The following CNTNAP5 variants were observed in gnomAD, a reference collection of about 807,000 sequenced individuals.
CNTNAP5 encodes the protein contactin-associated protein-like 5.
CNTNAP5 carries 72 observed loss-of-function variants against 150.2 expected under a neutral mutation model. The observed-to-expected ratio is 0.48, with a 90% CI of 0.40 to 0.58. CNTNAP5 has a LOEUF of 0.58. Ranked by LOEUF, CNTNAP5 falls within the 20% of genes least tolerant of loss-of-function variation. The pLI is 0.00. For missense variants in CNTNAP5, 1,636 were observed against 1,626.2 expected (o/e 1.01, Z -0.10); for synonymous variants, 672 against 619.8 (o/e 1.08, Z -1.25).
Position 124,534,885 on chromosome 2 carries a change from C to G in CNTNAP5, c.1649+7429C>G, listed in dbSNP as rs79680226. 4.2e-3 allele frequency among the ~76,000 whole-genome samples: 635 copies of G among 152,208 alleles called. 5 individuals are homozygous for G. Among genetic ancestry groups the G allele is most frequent in the African/African-American group, 0.015 (611 of 41,522 alleles). On this transcript the variant is annotated intron_variant, in intron 10 of 23. Transcript: ENST00000682447. Reference sequence around the variant, plus strand: ...GTTGACTTCCTATCTCATCCTGTGACTAAGAATGCCTAATCTCTTGGGAAT... The same window carrying G: ...GTTGACTTCCTATCTCATCCTGTGAGTAAGAATGCCTAATCTCTTGGGAAT...
In CNTNAP5 at chr2:124,713,213, TTC is replaced by T. The variant is rs1475150671; in HGVS notation, c.2078-34012_2078-34011del. Among the ~76,000 whole-genome samples, 11 of 121,302 alleles carry T rather than the reference TTC, an allele frequency of 9.1e-5. 1 individual carries two copies. The highest frequency in any genetic ancestry group is 1.2e-4 in the African/African-American group (4 of 32,508). The allele number at this position is 121,302 out of a possible 152,430, so 79.6% of individuals were successfully genotyped here. A position where few individuals can be genotyped will look rare whatever the true frequency, so the allele number is the denominator to read the frequency against. ...TTCCTTCCTCCCTCCCTTCCTTTCT[TTC>T]TCTGTTTCTTTCTTTCTTTCTTTCT... is the stretch of plus-strand genomic sequence containing the variant. On this transcript the variant is annotated intron_variant, in intron 13 of 23. Coordinates refer to ENST00000682447, the MANE Select transcript of CNTNAP5 (RefSeq NM_001367498.1).
At chr2:124,277,080 C>A (rs1241379057) in intron 3 of CNTNAP5, among the ~76,000 whole-genome samples, 1 of 152,102 alleles carries the variant, frequency 6.6e-6, no homozygotes, top group African/African-American at 2.4e-5. Context: ...TATTCCTTTC[C>A]CACACCACAT....
intron 11 of CNTNAP5, among the ~76,000 whole-genome samples, chr2:124,609,595 G>C (rs1019896136): frequency 6.6e-6 from 1 of 152,092 alleles, no homozygotes; most frequent in African/African-American, 2.4e-5. Flanking sequence ...AAAAGAGAGA[G>C]AGAGAGAGAT....
intron 1 of CNTNAP5, among the ~76,000 whole-genome samples, chr2:124,175,896 A>G (rs58440125): frequency 0.034 from 5,108 of 152,292 alleles, 300 homozygotes; most frequent in African/African-American, 0.12. Flanking sequence ...CAGTGCTACA[A>G]TGAATATACT....
chr2:124,528,453 T>C lies in CNTNAP5; in HGVS notation c.1649+997T>C, dbSNP rs1695026976. ...GTTGAGAGGGGAAGGGAGATTGGCA[T>C]AGAAGCAGGAGAAAGCATGGATTGC... On this transcript the variant is annotated intron_variant, in intron 10 of 23. Coordinates refer to ENST00000682447, the MANE Select transcript of CNTNAP5 (RefSeq NM_001367498.1). Among the ~76,000 whole-genome samples the C allele has an allele frequency of 3.3e-5, 5 of 152,182 alleles. No individual in the cohort carries two copies. The South Asian group carries it at 6.2e-4, about 19-fold the overall frequency.
chr2:124,298,099 T>C (rs1294712560), intron 3 of CNTNAP5, among the ~76,000 whole-genome samples: 1 of 152,140 alleles, frequency 6.6e-6, no homozygotes, highest in Non-Finnish European at 1.5e-5. Flanking sequence ...CATCTCAGCC[T>C]CCCACATATC....
At chr2:124,266,588 C>A (rs1687612362) in intron 3 of CNTNAP5, among the ~76,000 whole-genome samples, 1 of 152,130 alleles carries the variant, frequency 6.6e-6, no homozygotes, top group East Asian at 1.9e-4. Flanking sequence ...GTTGTTGTAA[C>A]CCTCTCAGCC....
At chr2:124,579,390 T>C (rs778205282) in intron 11 of CNTNAP5, among the ~76,000 whole-genome samples, 2 of 152,214 alleles carry the variant, frequency 1.3e-5, no homozygotes, top group Non-Finnish European at 2.9e-5. Flanking sequence ...CAGAAAAGTA[T>C]CTGTGCAGCT....
At chr2:124,544,686 C>T (rs1695471924) in intron 10 of CNTNAP5, among the ~76,000 whole-genome samples, 1 of 152,174 alleles carries the variant, frequency 6.6e-6, no homozygotes, top group South Asian at 2.1e-4. Context: ...CCACATGTGG[C>T]TAGTGACTAC....
intron 22 of CNTNAP5, among the ~76,000 whole-genome samples, chr2:124,907,636 A>G (rs1678565663): frequency 6.6e-6 from 1 of 150,614 alleles, no homozygotes; most frequent in Admixed American, 6.7e-5. Flanking sequence ...ATAGATAGAT[A>G]CATTTAAGCT....
chr2:124,144,113 C>T (rs1489896316), intron 1 of CNTNAP5, among the ~76,000 whole-genome samples: 2 of 116,028 alleles, frequency 1.7e-5, no homozygotes, highest in Admixed American at 9.6e-5. Context: ...TCAAGGAGAA[C>T]TACAAACCAC....
At position 124,314,567 on chromosome 2, in the gene CNTNAP5, G is replaced by T. The variant is rs982342888; in HGVS notation, c.381+72174G>T. On this transcript the variant is annotated intron_variant, in intron 3 of 23. Transcript: ENST00000682447. ...CTGACTTCTCCCAGTCTAAGCTCAG[G>T]ATTCCCATCTTGATTATTTTAAATT... Among the ~76,000 whole-genome samples, 52 of 152,100 alleles carry T rather than the reference G, an allele frequency of 3.4e-4. 1 individual carries two copies. Among genetic ancestry groups the T allele is most frequent in the Non-Finnish European group, 4.4e-5 (3 of 67,990 alleles).
intron 5 of CNTNAP5, among the ~76,000 whole-genome samples, chr2:124,437,780 G>A (rs1213412670): frequency 2.0e-5 from 3 of 152,100 alleles, no homozygotes; most frequent in East Asian, 1.9e-4. Context: ...ATACAGGAGA[G>A]GTGAGAGAGA....
At chr2:124,043,238 A>C (rs543410418) in intron 1 of CNTNAP5, among the ~76,000 whole-genome samples, 1 of 152,280 alleles carries the variant, frequency 6.6e-6, no homozygotes, top group South Asian at 2.1e-4. Context: ...CATTCCCTAA[A>C]ACATTCCAGA....
At chr2:124,864,392 A>G (rs1371780757) in intron 19 of CNTNAP5, among the ~76,000 whole-genome samples, 2 of 152,122 alleles carry the variant, frequency 1.3e-5, no homozygotes, top group Admixed American at 6.6e-5. Context: ...ACCTGAAACA[A>G]CATACAATAT....
chr2:124,273,653 T>G (rs960337538), intron 3 of CNTNAP5, among the ~76,000 whole-genome samples: 1 of 152,156 alleles, frequency 6.6e-6, no homozygotes, highest in Non-Finnish European at 1.5e-5. Context: ...CCCGACCTGC[T>G]AAGCTGTAAA....
At chr2:124,528,207 C>T (rs992030032) in intron 10 of CNTNAP5, among the ~76,000 whole-genome samples, 2 of 152,156 alleles carry the variant, frequency 1.3e-5, no homozygotes, top group Non-Finnish European at 2.9e-5. Flanking sequence ...CAGTGCTTGC[C>T]TATGTGTTGA....
At position 124,601,447 on chromosome 2, in the gene CNTNAP5, C is replaced by T. The variant is rs114041842; in HGVS notation, c.1757-8354C>T. 7.0e-3 allele frequency among the ~76,000 whole-genome samples: 1,058 copies of T among 152,206 alleles called. 16 individuals are homozygous for T. Among genetic ancestry groups the T allele is most frequent in the African/African-American group, 0.025 (1,020 of 41,538 alleles). On this transcript the variant is annotated intron_variant, in intron 11 of 23. Transcript: ENST00000682447. ...AAATACCAAGTAGTATTTCAGGGAC[C>T]ACTATCAAATACGAGAGAACATCCC...
intron 2 of CNTNAP5, among the ~76,000 whole-genome samples, chr2:124,231,654 T>C (rs553911516): frequency 5.3e-5 from 8 of 152,234 alleles, no homozygotes; most frequent in Non-Finnish European, 7.4e-5. Context: ...AAAATCATAC[T>C]GTGTGGCCTA....
Sources: allele counts gnomAD v4.1 joint callset (sites outside exome capture counted in the v4.1 genomes callset), GRCh38; gene constraint gnomAD v4.1.1; transcripts MANE v1.5; gene names NCBI Gene and HGNC (gene_info 2026-07-23, HGNC 2026-07-21).